The following NOS2 variants were observed in gnomAD, a reference collection of about 807,000 sequenced individuals.
NOS2 encodes nitric oxide synthase, inducible.
In NOS2, 96 loss-of-function variants were observed where a neutral mutation model predicts 136.0. The observed-to-expected ratio is 0.71, with a 90% CI of 0.60 to 0.84. NOS2 has a LOEUF of 0.84. NOS2 is among the 40% of genes least tolerant of loss of function. The probability of loss-of-function intolerance (pLI) is 0.00; values close to 1 mark genes in which losing one functional copy is unlikely to be tolerated. For synonymous variants in NOS2, 539 were observed against 587.5 expected (o/e 0.92, Z 1.20); for missense variants, 1,237 against 1,496.9 (o/e 0.83, Z 2.87).
intron 2 of NOS2, among the ~76,000 whole-genome samples, chr17:27,794,708 AC>A (rs1567643954): frequency 7.4e-6 from 1 of 135,136 alleles, no homozygotes; most frequent in Admixed American, 7.5e-5. Context: ...GCGTACACAC[AC>A]ACGCGCACAC....
chr17:27,766,497 C>T lies in NOS2; in HGVS notation c.2246+13G>A. ...ACAGAGTATCACCCACGAAGCCCTG[C>T]ACTTTCCCTTACCTGGATGTCGGAC... On this transcript the variant is annotated intron_variant, in intron 19 of 26. Transcript: ENST00000313735. The T allele has an allele frequency of 1.9e-6, 3 of 1,608,848 alleles. No homozygotes were observed. Among genetic ancestry groups the T allele is most frequent in the Non-Finnish European group, 2.6e-6 (3 of 1,175,172 alleles).
At chr17:27,778,545 C>T (rs1214713998) in intron 11 of NOS2, 145 bp downstream of exon 11, 2 of 653,368 alleles carry the variant, frequency 3.1e-6, no homozygotes, top group East Asian at 2.6e-5. Context: ...AGGGATTGAA[C>T]AGTCTTGGGA....
intron 11 of NOS2, among the ~76,000 whole-genome samples, chr17:27,776,678 A>G (rs1332657811): frequency 3.5e-5 from 3 of 84,808 alleles, no homozygotes; most frequent in African/African-American, 1.2e-4. Flanking sequence ...TCTCCAAAGG[A>G]AAAAAAAAAA....
chr17:27,772,261 C>G (rs774290421), intron 14 of NOS2, 47 bp downstream of exon 14: 1 of 1,611,034 alleles, frequency 6.2e-7, no homozygotes. Flanking sequence ...CCTAGACTCC[C>G]CTGCACACAA....
intron 12 of NOS2, among the ~76,000 whole-genome samples, chr17:27,773,651 G>GAGGTCCTGT (rs1908570534): frequency 6.6e-6 from 1 of 152,182 alleles, no homozygotes; most frequent in Admixed American, 6.5e-5. Context: ...CCCTGCATGT[G>GAGGTCCTGT]AGGTCCTGTA....
chr17:27,782,179 C>T, intron 6 of NOS2, 73 bp from the exon 7 acceptor site: 3 of 1,358,652 alleles, frequency 2.2e-6, no homozygotes, highest in Non-Finnish European at 2.1e-6. Flanking sequence ...TCAGAAGTCA[C>T]TGGGAATCAA....
Position 27,782,942 on chromosome 17 carries a change from AC to A in NOS2, c.630+1del. ...CTCCCGCTCAAGTCTAAGGAAGTTC[AC>A]CTGCAGGTTGGACCACTGGATCCTC... On this transcript the variant is annotated splice_donor_variant, in intron 6 of 26. Coordinates refer to ENST00000313735, the MANE Select transcript of NOS2 (RefSeq NM_000625.4). LOFTEE classifies it high-confidence loss of function. 1 of 1,613,882 alleles carries A rather than the reference AC, an allele frequency of 6.2e-7. No individual in the cohort carries two copies. The highest frequency in any genetic ancestry group is 1.1e-5 in the South Asian group (1 of 91,042).
In NOS2 at chr17:27,769,122, A is replaced by T. The variant is rs747176795; in HGVS notation, c.1889T>A (p.Met630Lys). 1.2e-6 allele frequency: 2 copies of T among 1,612,300 alleles called. No individual in the cohort carries two copies. The highest frequency in any genetic ancestry group is 1.3e-5 in the African/African-American group (1 of 75,024). ...AGCAAAGGCGCAGAACCGAGGGTAC[A>T]TGCTGGAGCCGAGGCCAAACACAGC... ...RYAVFGLGSS[M>K]YPRFCAFAHD... is the part of the protein sequence containing the mutation. Residue 630 changes from methionine (M) to lysine (K), a missense_variant, in exon 17 of 27, where the codon ATG (methionine) becomes AAG (lysine). By Grantham distance (95) the Met-to-Lys change is moderately conservative. Around this residue, in one of 3 missense-constraint regions of NOS2, gnomAD observed 782 missense variants for 909.9 expected, o/e 0.86. Transcript: ENST00000313735.
chr17:27,789,684 C>T lies in NOS2; in HGVS notation c.115G>A (p.Val39Met). 1 of 1,613,514 alleles carries T rather than the reference C, an allele frequency of 6.2e-7. No homozygotes were observed. The highest frequency in any genetic ancestry group is 8.5e-7 in the Non-Finnish European group (1 of 1,179,466). The part of the protein sequence containing the change: ...EKAPCATSSP[V>M]TQDDLQYHNL... ...TGATACTGAAGGTCATCCTGTGTCACTGGACTGTGAAAGGAAACAGCTAGC... is the reference window on the plus strand; with the variant it reads ...TGATACTGAAGGTCATCCTGTGTCATTGGACTGTGAAAGGAAACAGCTAGC... Residue 39 changes from valine (V) to methionine (M), a missense_variant, in exon 3 of 27, where the codon GTG becomes ATG. Physicochemically the swap from Val to Met is conservative, Grantham distance 21. Transcript: ENST00000313735.
chr17:27,798,790 A>G lies in NOS2; in HGVS notation c.20T>C (p.Phe7Ser), dbSNP rs1428974294. The G allele has an allele frequency of 1.2e-6, 2 of 1,612,488 alleles. No homozygotes were observed. Among genetic ancestry groups the G allele is most frequent in the Non-Finnish European group, 1.7e-6 (2 of 1,178,638 alleles). The change falls in exon 2 of 27, where the codon TTT (phenylalanine) becomes TCT (serine). Residue 7 changes from phenylalanine to serine, a missense_variant. Phe to Ser is a radical substitution (Grantham distance 155). Around this residue, in one of 3 missense-constraint regions of NOS2, gnomAD observed 440 missense variants for 545.4 expected, o/e 0.81. Coordinates refer to ENST00000313735, the MANE Select transcript of NOS2 (RefSeq NM_000625.4). ...CTGGTGGAATTTGGTCTTGAACAGA[A>G]ATTTCCAAGGACAGGCCATCTCTAT... MACPWK[F>S]LFKTKFHQYA...
In NOS2 at chr17:27,769,777, A is replaced by G. The variant is rs28999415; in HGVS notation, c.1810-193T>C. On this transcript the variant is annotated intron_variant, in intron 15 of 26. Coordinates refer to ENST00000313735, the MANE Select transcript of NOS2 (RefSeq NM_000625.4). Reference sequence around the variant, plus strand: ...CAAGTTTAGCTTGTCTCTCACTCCAACTAAACTGTAGCAACTTGTGTAGGC... The same window carrying G: ...CAAGTTTAGCTTGTCTCTCACTCCAGCTAAACTGTAGCAACTTGTGTAGGC... Among the ~76,000 whole-genome samples, 517 of 152,292 alleles carry G rather than the reference A, an allele frequency of 3.4e-3. 1 individual carries two copies. The highest frequency in any genetic ancestry group is 0.012 in the African/African-American group (495 of 41,564).
intron 20 of NOS2, 71 bp downstream of exon 20, chr17:27,765,464 G>C (rs1025682426): frequency 7.0e-7 from 1 of 1,418,710 alleles, no homozygotes; most frequent in African/African-American, 1.4e-5. Context: ...GCAGGCCCAG[G>C]CTCAGCCCCT....
chr17:27,775,330 G>A (rs374774129), intron 11 of NOS2, among the ~76,000 whole-genome samples: 2 of 152,126 alleles, frequency 1.3e-5, no homozygotes, highest in Non-Finnish European at 2.9e-5. Flanking sequence ...AGCTGTCGGG[G>A]CTTACACCTA....
Position 27,765,649 on chromosome 17 carries a change from G to C in NOS2, c.2314C>G (p.His772Asp), listed in dbSNP as rs552008642. The change falls in exon 20 of 27, where the codon CAC (histidine) becomes GAC (aspartate). Residue 772 changes from histidine (H) to aspartate (D), a missense_variant. His to Asp is a moderately conservative substitution (Grantham distance 81). Transcript: ENST00000313735. ...TGGTTGCCTGGGCAAACCCCAAGGT[G>C]CTCCCCCGGCAGGTAGTTCAGGCCT... ...GQGLNYLPGE[H>D]LGVCPGNQPA... 6 of 1,613,314 alleles carry C rather than the reference G, an allele frequency of 3.7e-6. No individual in the cohort carries two copies. The Admixed American group carries it at 1.0e-4, about 27-fold the overall frequency.
chr17:27,774,170 C>T lies in NOS2; in HGVS notation c.1476+87G>A, dbSNP rs148694105. 1.7e-4 allele frequency: 177 copies of T among 1,023,182 alleles called. No homozygotes were observed. The African/African-American group carries it at 2.3e-3, about 13-fold the overall frequency. 63.4% of individuals were successfully genotyped at this position (1,023,182 alleles called of 1,614,324 possible). On this transcript the variant is annotated intron_variant, in intron 12 of 26. Transcript: ENST00000313735. ...TACTCCTGCTTCCCGTCGTGCCCTA[C>T]ATGTGTAACAATGAGGTGCACACAC...
At chr17:27,788,733 C>T in intron 4 of NOS2, 76 bp downstream of exon 4, 4 of 1,546,356 alleles carry the variant, frequency 2.6e-6, no homozygotes, top group Admixed American at 1.8e-5. Flanking sequence ...CAGGGGGACA[C>T]CTGTTTGATC....
chr17:27,774,486 G>A, intron 11 of NOS2, 35 bp from the exon 12 acceptor site: 1 of 1,402,306 alleles, frequency 7.1e-7, no homozygotes, highest in South Asian at 1.7e-5. Context: ...GTGGAGATAA[G>A]GGTGGGGGAA....
intron 26 of NOS2, among the ~76,000 whole-genome samples, chr17:27,757,913 A>G (rs1258150105): frequency 6.6e-6 from 1 of 152,164 alleles, no homozygotes; most frequent in East Asian, 1.9e-4. Context: ...CTGCCCCTCC[A>G]GAACAGCCCA....
rs28944216 is a variant in NOS2 at position 27,756,919 on chromosome 17, C to T, written c.*327G>A. The T allele has an allele frequency of 0.012, 3,839 of 309,844 alleles. 51 individuals are homozygous for T. The highest frequency in any genetic ancestry group is 0.028 in the Middle Eastern group (32 of 1,136). The allele number at this position is 309,844 out of a possible 1,614,324, so 19.2% of individuals were successfully genotyped here. On this transcript the variant is annotated 3_prime_UTR_variant, in exon 27 of 27. Coordinates refer to ENST00000313735, the MANE Select transcript of NOS2 (RefSeq NM_000625.4). ...CAAGGCAGTTAAATACACAGTGGTG[C>T]GATAGCACCTCCTGGTGGTCACTTG...
Sources: allele counts gnomAD v4.1 joint callset (sites outside exome capture counted in the v4.1 genomes callset), GRCh38; gene constraint gnomAD v4.1.1; regional missense constraint gnomAD v4.1.1; transcripts MANE v1.5; gene names NCBI Gene and HGNC (gene_info 2026-07-23, HGNC 2026-07-21).